RPF2: variants seen among roughly 807,000 people sequenced by gnomAD.
RPF2 encodes brix domain containing 1.
Under a neutral mutation model 38.9 loss-of-function variants are expected in RPF2, and 21 were observed. That is an observed-to-expected ratio of 0.54 (90% CI 0.38 to 0.78). The LOEUF is 0.78. RPF2 is among the 30% of genes least tolerant of loss of function. The probability of loss-of-function intolerance (pLI) is 0.00; values close to 1 mark genes in which losing one functional copy is unlikely to be tolerated. For synonymous variants in RPF2, 121 were observed against 126.2 expected, an observed-to-expected ratio of 0.96 and a Z score of 0.28; for missense variants, 314 against 358.1, an observed-to-expected ratio of 0.88 and a Z score of 0.99.
intron 4 of RPF2, among the ~76,000 whole-genome samples, chr6:110,994,372 G>C (rs1373965858): frequency 1.3e-5 from 2 of 151,998 alleles, no homozygotes; most frequent in Non-Finnish European, 2.9e-5. Flanking sequence ...ATTGCGTGGG[G>C]CCAGGATTTC....
intron 1 of RPF2, chr6:110,982,464 T>A: frequency 2.7e-6 from 1 of 364,970 alleles, no homozygotes; most frequent in Non-Finnish European, 5.0e-6. Context: ...CAGATCTGAG[T>A]GACAGTCTGG....
At chr6:111,002,013 C>T (rs1282543533) in intron 6 of RPF2, among the ~76,000 whole-genome samples, 2 of 152,192 alleles carry the variant, frequency 1.3e-5, no homozygotes, top group African/African-American at 4.8e-5. Context: ...GGCGTGCTGG[C>T]TCACGCCTGT....
At chr6:111,018,093 G>A (rs12176286) in intron 8 of RPF2, among the ~76,000 whole-genome samples, 24,325 of 151,374 alleles carry the variant, frequency 0.16, 2,485 homozygotes, top group East Asian at 0.52. Context: ...CGCGCCTGCA[G>A]TCGCAGGCAC....
chr6:110,988,535 G>A (rs920479827), intron 2 of RPF2, among the ~76,000 whole-genome samples: 5 of 151,508 alleles, frequency 3.3e-5, no homozygotes, highest in Admixed American at 6.6e-5. Context: ...TCCTGAGCTC[G>A]GGTGATCCTC....
intron 4 of RPF2, among the ~76,000 whole-genome samples, chr6:110,995,916 G>A (rs1445154339): frequency 1.3e-5 from 2 of 151,418 alleles, no homozygotes; most frequent in African/African-American, 2.4e-5. Flanking sequence ...GGTCTCAAGC[G>A]ATCCTTCCTC....
In RPF2 at chr6:111,025,665, A is replaced by G. The variant is rs1772316200; in HGVS notation, c.*83A>G. ...GTCAATCCATTCAGAGTTTCTTATA[A>G]GATCTTATTATATATTTTTATAACA... On this transcript the variant is annotated 3_prime_UTR_variant, in exon 10 of 10. Coordinates refer to ENST00000441448, the MANE Select transcript of RPF2 (RefSeq NM_032194.3). 1 of 944,502 alleles carries G rather than the reference A, an allele frequency of 1.1e-6. No homozygotes were observed. The highest frequency in any genetic ancestry group is 1.6e-6 in the Non-Finnish European group (1 of 643,432). The allele number at this position is 944,502 out of a possible 1,614,324, so 58.5% of individuals were successfully genotyped here. A position where few individuals can be genotyped will look rare whatever the true frequency, so the allele number is the denominator to read the frequency against.
At chr6:111,006,694 A>G (rs1261614837) in intron 6 of RPF2, among the ~76,000 whole-genome samples, 3 of 152,042 alleles carry the variant, frequency 2.0e-5, no homozygotes, top group Admixed American at 2.0e-4. Context: ...TGCAGCCTCC[A>G]CCTTCTAGGC....
In RPF2 at chr6:111,006,527, G is replaced by C. The variant is rs1053167586; in HGVS notation, c.394-1511G>C. On this transcript the variant is annotated intron_variant, in intron 6 of 9. Transcript: ENST00000441448. ...GGTGGGATTATAGGCGTGAACCACT[G>C]TGCCCAGCCCATAGCCTTCATTTTA... is the stretch of plus-strand genomic sequence containing the variant. 3.3e-5 allele frequency among the ~76,000 whole-genome samples: 5 copies of C among 152,130 alleles called. No homozygotes were observed. The East Asian group carries it at 9.6e-4, about 29-fold the overall frequency.
In RPF2 at chr6:110,991,788, T is replaced by G. The variant is rs143005572; in HGVS notation, c.234+2T>G. ...CCTTTTGAGGATCAGACATCACTGGTAAGTATAATAATCTTTATGATTTAA... is the reference window on the plus strand; with the variant it reads ...CCTTTTGAGGATCAGACATCACTGGGAAGTATAATAATCTTTATGATTTAA... On this transcript the variant is annotated splice_donor_variant, in intron 4 of 9. Coordinates refer to ENST00000441448, the MANE Select transcript of RPF2 (RefSeq NM_032194.3). LOFTEE classifies it high-confidence loss of function. The G allele has an allele frequency of 5.2e-6, 6 of 1,158,036 alleles. No homozygotes were observed. The highest frequency in any genetic ancestry group is 3.1e-5 in the African/African-American group (2 of 63,540). The allele number at this position is 1,158,036 out of a possible 1,614,324, so 71.7% of individuals were successfully genotyped here. A position where few individuals can be genotyped will look rare whatever the true frequency, so the allele number is the denominator to read the frequency against.
rs1167467076 is a variant in RPF2 at position 111,026,015 on chromosome 6, C to CTGCTT, written c.*434_*435insGCTTT. 1 of 131,610 alleles carries CTGCTT rather than the reference C, an allele frequency of 7.6e-6. No individual in the cohort carries two copies. The highest frequency in any genetic ancestry group is 3.1e-5 in the African/African-American group (1 of 31,854). 8.2% of individuals were successfully genotyped at this position (131,610 alleles called of 1,614,324 possible). On this transcript the variant is annotated 3_prime_UTR_variant, in exon 10 of 10. Coordinates refer to ENST00000441448, the MANE Select transcript of RPF2 (RefSeq NM_032194.3). ...GGATCTACATTCTGATTTTTATTTT[C>CTGCTT]TACTTTTATTTTGCCTGAAATCCTA...
intron 8 of RPF2, among the ~76,000 whole-genome samples, chr6:111,021,917 A>T (rs1772241343): frequency 1.3e-5 from 2 of 152,250 alleles, no homozygotes; most frequent in African/African-American, 4.8e-5. Context: ...AAGGAACTCT[A>T]AACAGGAAAT....
chr6:111,016,601 A>G (rs1414953505), intron 8 of RPF2, among the ~76,000 whole-genome samples: 1 of 151,540 alleles, frequency 6.6e-6, no homozygotes, highest in African/African-American at 2.4e-5. Context: ...CTGAAAAAAC[A>G]AAAAACAAAA....
chr6:110,983,945 CG>C (rs1229410144), intron 1 of RPF2, among the ~76,000 whole-genome samples: 3 of 151,970 alleles, frequency 2.0e-5, no homozygotes, highest in Non-Finnish European at 4.4e-5. Context: ...AGGAGAATGG[CG>C]TGAACCTGGG....
chr6:111,004,275 T>G (rs1239945192), intron 6 of RPF2, among the ~76,000 whole-genome samples: 1 of 149,168 alleles, frequency 6.7e-6, no homozygotes. Context: ...CTCCGCCTCC[T>G]GGGTTCACGC....
At chr6:110,998,660 G>A (rs1428603811) in intron 5 of RPF2, among the ~76,000 whole-genome samples, 4 of 152,072 alleles carry the variant, frequency 2.6e-5, no homozygotes, top group Non-Finnish European at 5.9e-5. Context: ...AGGCAGACAC[G>A]CACAGGACAG....
At chr6:111,008,814 T>G (rs1771961462) in intron 7 of RPF2, among the ~76,000 whole-genome samples, 1 of 152,038 alleles carries the variant, frequency 6.6e-6, no homozygotes, top group Admixed American at 6.6e-5. Flanking sequence ...GATATTGCTC[T>G]TATTTATCCA....
chr6:110,999,979 G>A (rs1347504722), intron 6 of RPF2, among the ~76,000 whole-genome samples, 192 bp downstream of exon 6: 1 of 152,170 alleles, frequency 6.6e-6, no homozygotes, highest in Non-Finnish European at 1.5e-5. Context: ...GTAGTGAATA[G>A]CAACATATGT....
Position 110,982,088 on chromosome 6 carries a change from G to GT in RPF2, c.-17dup, listed in dbSNP as rs772715393. On this transcript the variant is annotated 5_prime_UTR_variant, in exon 1 of 10. Coordinates refer to ENST00000441448, the MANE Select transcript of RPF2 (RefSeq NM_032194.3). ...GCACGTGCATGCCCCCTGGTTAAGA[G>GT]TTGCAGGTAGCGGTAGCGATGGACA... is the stretch of plus-strand genomic sequence containing the variant. 1.9e-6 allele frequency: 3 copies of GT among 1,614,218 alleles called. No homozygotes were observed. Among genetic ancestry groups the GT allele is most frequent in the Non-Finnish European group, 2.5e-6 (3 of 1,180,008 alleles).
intron 4 of RPF2, among the ~76,000 whole-genome samples, chr6:110,994,671 T>C (rs1339498177): frequency 6.6e-6 from 1 of 150,572 alleles, no homozygotes; most frequent in Non-Finnish European, 1.5e-5. Flanking sequence ...GTAATTTGAC[T>C]ACCCCGTTCT....
Sources: gnomAD v4.1 joint callset for allele counts (sites outside exome capture counted in the v4.1 genomes callset) on GRCh38, gnomAD v4.1.1 for gene constraint, MANE v1.5 for transcripts, NCBI Gene and HGNC (gene_info 2026-07-23, HGNC 2026-07-21) for gene names.